Variants in CLEC3B observed in about 807,000 individuals in gnomAD.
CLEC3B encodes the protein C-type lectin domain family 3 member B, also known as tetranectin.
Under a neutral mutation model 15.4 loss-of-function variants are expected in CLEC3B, and 13 were observed. That is an observed-to-expected ratio of 0.84 (90% confidence interval 0.55 to 1.34). CLEC3B has a LOEUF of 1.34. Ranked by LOEUF, CLEC3B falls within the 40% of genes most tolerant of loss-of-function variation. The probability of loss-of-function intolerance (pLI) is 0.00; values close to 1 mark genes in which losing one functional copy is unlikely to be tolerated. For synonymous variants in CLEC3B, 112 were observed against 114.7 expected (o/e 0.98, Z 0.15); for missense variants, 242 against 268.6 (o/e 0.90, Z 0.69).
intron 2 of CLEC3B, among the ~76,000 whole-genome samples, chr3:45,032,525 C>A (rs1697573433): frequency 6.6e-6 from 1 of 152,220 alleles, no homozygotes; most frequent in South Asian, 2.1e-4. Flanking sequence ...TTTGTGTCTG[C>A]TGCCTCCACT....
Position 45,035,968 on chromosome 3 carries a change from C to A in CLEC3B, c.*44C>A. ...TGGGGGGCCTGGAGGAGGGCAGGGG[C>A]CGCGGGAGGCCGGGAGGAGGGTGGG... On this transcript the variant is annotated 3_prime_UTR_variant, in exon 3 of 3. Transcript: ENST00000296130. 6.7e-7 allele frequency: 1 copy of A among 1,501,188 alleles called. No individual in the cohort carries two copies. Among genetic ancestry groups the A allele is most frequent in the Admixed American group, 2.0e-5 (1 of 49,032 alleles). The allele number at this position is 1,501,188 out of a possible 1,614,324, so 93.0% of individuals were successfully genotyped here.
intron 1 of CLEC3B, among the ~76,000 whole-genome samples, chr3:45,029,209 C>T (rs943388309): frequency 8.5e-5 from 13 of 152,246 alleles, no homozygotes; most frequent in African/African-American, 3.1e-4. Context: ...AAACTTTGCA[C>T]ATATGGGCAC....
intron 1 of CLEC3B, chr3:45,030,116 G>A: frequency 1.1e-6 from 1 of 935,912 alleles, no homozygotes; most frequent in Non-Finnish European, 1.3e-6. Context: ...CATCACATGG[G>A]GTGACATGTA....
At chr3:45,026,551 C>G in intron 1 of CLEC3B, 80 bp downstream of exon 1, 1 of 1,266,552 alleles carries the variant, frequency 7.9e-7, no homozygotes, top group Non-Finnish European at 1.1e-6. Context: ...TGCTCCTTTC[C>G]TTCATTTTCC....
Position 45,035,823 on chromosome 3 carries a change from A to G in CLEC3B, c.508A>G (p.Thr170Ala). ...CACCGCGCAACCCGATGGCGGCAAG[A>G]CCGAGAACTGCGCGGTCCTGTCAGG... ...EITAQPDGGK[T>A]ENCAVLSGAA... is the part of the protein sequence containing the mutation. Residue 170 changes from threonine to alanine, a missense_variant, in exon 3 of 3, where the codon ACC (threonine) becomes GCC (alanine). Thr to Ala is a moderately conservative substitution (Grantham distance 58). Transcript: ENST00000296130. The G allele has an allele frequency of 1.9e-6, 3 of 1,613,304 alleles. No individual in the cohort carries two copies.
chr3:45,031,483 G>A (rs1697553377), intron 2 of CLEC3B, among the ~76,000 whole-genome samples: 1 of 152,246 alleles, frequency 6.6e-6, no homozygotes, highest in Non-Finnish European at 1.5e-5. Context: ...AGCAACTGAG[G>A]CATAGACAGG....
chr3:45,035,969 C>A lies in CLEC3B; in HGVS notation c.*45C>A, dbSNP rs951712732. Reference sequence around the variant, plus strand: ...GGGGGGCCTGGAGGAGGGCAGGGGCCGCGGGAGGCCGGGAGGAGGGTGGGG... The same window carrying A: ...GGGGGGCCTGGAGGAGGGCAGGGGCAGCGGGAGGCCGGGAGGAGGGTGGGG... On this transcript the variant is annotated 3_prime_UTR_variant, in exon 3 of 3. Coordinates refer to ENST00000296130, the MANE Select transcript of CLEC3B (RefSeq NM_003278.3). 1 of 1,470,674 alleles carries A rather than the reference C, an allele frequency of 6.8e-7. No individual in the cohort carries two copies. The highest frequency in any genetic ancestry group is 1.4e-5 in the African/African-American group (1 of 72,016). The allele number at this position is 1,470,674 out of a possible 1,614,324, so 91.1% of individuals were successfully genotyped here. A position where few individuals can be genotyped will look rare whatever the true frequency, so the allele number is the denominator to read the frequency against.
At position 45,030,865 on chromosome 3, in the gene CLEC3B, C is replaced by T. The variant is rs774587650; in HGVS notation, c.148C>T (p.Arg50Cys). 1.4e-5 allele frequency: 23 copies of T among 1,596,362 alleles called. No individual in the cohort carries two copies. The highest frequency in any genetic ancestry group is 7.0e-5 in the Admixed American group (4 of 57,480). The change falls in exon 2 of 3, where the codon CGT becomes TGT. Residue 50 changes from arginine (R) to cysteine (C), a missense_variant. Transcript: ENST00000296130. ...NTKMFEELKS[R>C]LDTLAQEVAL... ...AAAGATGTTTGAGGAGCTCAAGAGC[C>T]GTCTGGACACCCTGGCCCAGGAGGT...
At position 45,035,837 on chromosome 3, in the gene CLEC3B, G is replaced by C. The variant is rs1355002142; in HGVS notation, c.522G>C (p.Ala174=). The change falls in exon 3 of 3, where the codon GCG becomes GCC. Residue 174 remains alanine, a synonymous_variant. Transcript: ENST00000296130. The part of the protein sequence containing the change: ...QPDGGKTENC[A]VLSGAANGKW... The stretch of plus-strand genomic sequence containing the variant: ...ATGGCGGCAAGACCGAGAACTGCGC[G>C]GTCCTGTCAGGCGCGGCCAACGGCA... 1 of 1,612,940 alleles carries C rather than the reference G, an allele frequency of 6.2e-7. No homozygotes were observed. Among genetic ancestry groups the C allele is most frequent in the Non-Finnish European group, 8.5e-7 (1 of 1,179,948 alleles).
rs772459032 is a variant in CLEC3B, at chr3:45,026,413, C to G, written c.51C>G (p.Thr17=). The change falls in exon 1 of 3, where the codon ACC becomes ACG. Residue 17 remains threonine, a synonymous_variant. Coordinates refer to ENST00000296130, the MANE Select transcript of CLEC3B (RefSeq NM_003278.3). ...TCCTCTGCCTCTTCTCCCTCCTGAC[C>G]CAGGTCACCACCGAGCCACCAACCC... The part of the protein sequence containing the change: ...YLLLCLFSLL[T]QVTTEPPTQK... The G allele has an allele frequency of 6.2e-7, 1 of 1,614,094 alleles. No homozygotes were observed. Among genetic ancestry groups the G allele is most frequent in the South Asian group, 1.1e-5 (1 of 91,054 alleles).
At chr3:45,028,623 A>T (rs910239153) in intron 1 of CLEC3B, among the ~76,000 whole-genome samples, 2 of 152,186 alleles carry the variant, frequency 1.3e-5, no homozygotes, top group East Asian at 3.9e-4. Context: ...ACCCCTGGAA[A>T]TGCTGGTTTA....
chr3:45,033,939 C>T (rs1470267787), intron 2 of CLEC3B, among the ~76,000 whole-genome samples: 2 of 151,726 alleles, frequency 1.3e-5, no homozygotes, highest in African/African-American at 2.4e-5. Context: ...AAGGAGAAGT[C>T]GAGCTGTACT....
intron 1 of CLEC3B, among the ~76,000 whole-genome samples, chr3:45,028,953 C>T (rs1239252935): frequency 1.3e-5 from 2 of 152,226 alleles, no homozygotes; most frequent in African/African-American, 4.8e-5. Flanking sequence ...CACATGGTCA[C>T]ACCTGGCAGG....
At chr3:45,032,340 T>A (rs1355368816) in intron 2 of CLEC3B, among the ~76,000 whole-genome samples, 1 of 152,204 alleles carries the variant, frequency 6.6e-6, no homozygotes, top group Non-Finnish European at 1.5e-5. Context: ...CATGTGCTGT[T>A]TGGGCAACCT....
At chr3:45,031,495 CCTGAACCTGG>C (rs1697553626) in intron 2 of CLEC3B, among the ~76,000 whole-genome samples, 1 of 152,320 alleles carries the variant, frequency 6.6e-6, no homozygotes, top group South Asian at 2.1e-4. Flanking sequence ...ATAGACAGGT[CCTGAACCTGG>C]CTCATACTCA....
chr3:45,034,087 A>C (rs1337547529), intron 2 of CLEC3B, among the ~76,000 whole-genome samples: 1 of 152,140 alleles, frequency 6.6e-6, no homozygotes, highest in African/African-American at 2.4e-5. Context: ...ACGGCCTTGG[A>C]AGAGATGGCT....
At chr3:45,032,986 G>A (rs1697584632) in intron 2 of CLEC3B, among the ~76,000 whole-genome samples, 1 of 152,092 alleles carries the variant, frequency 6.6e-6, no homozygotes, top group African/African-American at 2.4e-5. Context: ...CTATCATATG[G>A]CCACCTGCAG....
intron 2 of CLEC3B, chr3:45,034,478 A>C (rs927541117): frequency 6.6e-5 from 10 of 152,248 alleles, no homozygotes; most frequent in African/African-American, 2.4e-4. Context: ...TGGTGGGGTC[A>C]CCAGCAAGAG....
chr3:45,026,320 C>T lies in CLEC3B; in HGVS notation c.-43C>T, dbSNP rs1410647328. The T allele has an allele frequency of 1.3e-6, 2 of 1,563,914 alleles. No homozygotes were observed. The highest frequency in any genetic ancestry group is 2.3e-5 in the South Asian group (2 of 88,866). ...CCGTGGCTGTCACTGCGTTCGGACCCAGACCCGCTGCAGGCAGCAGCAGCC... is the reference window on the plus strand; with the variant it reads ...CCGTGGCTGTCACTGCGTTCGGACCTAGACCCGCTGCAGGCAGCAGCAGCC... On this transcript the variant is annotated 5_prime_UTR_variant, in exon 1 of 3. Coordinates refer to ENST00000296130, the MANE Select transcript of CLEC3B (RefSeq NM_003278.3).
Sources: allele counts gnomAD v4.1 joint callset (sites outside exome capture counted in the v4.1 genomes callset), GRCh38; gene constraint gnomAD v4.1.1; transcripts MANE v1.5; gene names NCBI Gene and HGNC (gene_info 2026-07-23, HGNC 2026-07-21).